Variants in SCFD2 observed in about 807,000 individuals in gnomAD.
SCFD2 encodes sec1 family domain-containing protein 2.
Under a neutral mutation model 58.9 loss-of-function variants are expected in SCFD2, and 54 were observed. The observed-to-expected ratio is 0.92, with a 90% CI of 0.74 to 1.15. The LOEUF (loss-of-function observed/expected upper bound fraction) is 1.15, where lower values mean the gene tolerates loss of function less well. Among genes scored for constraint, SCFD2 ranks in the 50% most tolerant of loss-of-function variants. The pLI, the probability that SCFD2 is intolerant of heterozygous loss-of-function variation, is 0.00. For missense variants in SCFD2, 805 were observed against 836.6 expected (o/e 0.96, Z 0.47); for synonymous variants, 321 against 335.9 (o/e 0.96, Z 0.49).
intron 1 of SCFD2, among the ~76,000 whole-genome samples, chr4:53,364,840 AGTT>A (rs1251939234): frequency 3.9e-5 from 6 of 152,228 alleles, no homozygotes; most frequent in Non-Finnish European, 8.8e-5. Flanking sequence ...CTTGGGCTAA[AGTT>A]GTTGTTTAAC....
chr4:53,043,681 A>G (rs1218503586), intron 5 of SCFD2, among the ~76,000 whole-genome samples: 1 of 152,194 alleles, frequency 6.6e-6, no homozygotes, highest in Non-Finnish European at 1.5e-5. Context: ...CTTTTTATGT[A>G]CTACAAGAAA....
chr4:53,067,189 C>T (rs1723685722), intron 5 of SCFD2, among the ~76,000 whole-genome samples: 1 of 151,996 alleles, frequency 6.6e-6, no homozygotes, highest in Non-Finnish European at 1.5e-5. Context: ...CCTGTAGCCT[C>T]CTGCTATAGG....
intron 2 of SCFD2, among the ~76,000 whole-genome samples, chr4:53,335,433 G>A (rs1469966044): frequency 1.3e-5 from 2 of 152,112 alleles, no homozygotes; most frequent in Non-Finnish European, 2.9e-5. Context: ...TGCAGCGTGT[G>A]CTTCTGACTG....
intron 4 of SCFD2, among the ~76,000 whole-genome samples, chr4:53,239,310 G>A (rs1254084984): frequency 6.6e-6 from 1 of 152,124 alleles, no homozygotes; most frequent in African/African-American, 2.4e-5. Context: ...GTACAGTCCA[G>A]CTTTGGCTCA....
At chr4:53,243,005 C>A (rs1453104572) in intron 4 of SCFD2, among the ~76,000 whole-genome samples, 1 of 152,134 alleles carries the variant, frequency 6.6e-6, no homozygotes, top group Non-Finnish European at 1.5e-5. Flanking sequence ...AAATCTATGA[C>A]TCATTAGTGT....
At chr4:52,962,182 C>G (rs1352480665) in intron 5 of SCFD2, among the ~76,000 whole-genome samples, 1 of 152,182 alleles carries the variant, frequency 6.6e-6, no homozygotes, top group Admixed American at 6.5e-5. Flanking sequence ...ACAAGACAAG[C>G]TTTGAGGTCC....
chr4:53,145,499 G>A lies in SCFD2; in HGVS notation c.1395C>T (p.Asp465=). The part of the protein sequence containing the change: ...IKPVTQRTNE[D]YSPEELLILL... ...GGATCAGCAGTTCCTCAGGGCTGTA[G>A]TCCTCGTTGGTTCTCTGGGTTACAG... is the stretch of plus-strand genomic sequence containing the variant. The change falls in exon 5 of 9, where the codon GAC becomes GAT. Residue 465 remains aspartate (D), a synonymous_variant. Coordinates refer to ENST00000401642, the MANE Select transcript of SCFD2 (RefSeq NM_152540.4). 1 of 1,614,116 alleles carries A rather than the reference G, an allele frequency of 6.2e-7. No homozygotes were observed. Among genetic ancestry groups the A allele is most frequent in the Non-Finnish European group, 8.5e-7 (1 of 1,179,990 alleles).
chr4:53,119,265 C>T (rs777461818), intron 5 of SCFD2, among the ~76,000 whole-genome samples: 13 of 151,356 alleles, frequency 8.6e-5, no homozygotes, highest in African/African-American at 2.2e-4. Context: ...TTGCAGTGAG[C>T]GGAGATTGCA....
At chr4:53,090,210 G>A (rs556376583) in intron 5 of SCFD2, among the ~76,000 whole-genome samples, 6 of 152,246 alleles carry the variant, frequency 3.9e-5, no homozygotes, top group African/African-American at 1.4e-4. Context: ...TCAAAAAGAG[G>A]ATGACAAGTG....
chr4:52,898,707 T>C, intron 7 of SCFD2, among the ~76,000 whole-genome samples: 1 of 152,144 alleles, frequency 6.6e-6, no homozygotes, highest in East Asian at 1.9e-4. Context: ...CTGGATATCC[T>C]TGTGAATTTT....
intron 5 of SCFD2, among the ~76,000 whole-genome samples, chr4:53,039,618 G>C (rs1322338817): frequency 6.6e-6 from 1 of 152,174 alleles, no homozygotes; most frequent in Non-Finnish European, 1.5e-5. Context: ...TTTTGCAAGA[G>C]GATTGGCTGC....
At chr4:53,095,888 G>A (rs1333055776) in intron 5 of SCFD2, among the ~76,000 whole-genome samples, 1 of 151,454 alleles carries the variant, frequency 6.6e-6, no homozygotes, top group Non-Finnish European at 1.5e-5. Flanking sequence ...CCCCACAACA[G>A]GCCCCGGTGT....
Position 52,895,621 on chromosome 4 carries a change from G to A in SCFD2, c.1843-9755C>T, listed in dbSNP as rs377710927. Among the ~76,000 whole-genome samples, 222 of 152,212 alleles carry A rather than the reference G, an allele frequency of 1.5e-3. 1 individual carries two copies. The South Asian group carries it at 0.043, about 29-fold the overall frequency. ...AGTCTTTGCTATTGTGAATAGTGCC[G>A]CAATAAACACACGTGTGCATGTGTC... On this transcript the variant is annotated intron_variant, in intron 7 of 8. Transcript: ENST00000401642.
intron 6 of SCFD2, among the ~76,000 whole-genome samples, chr4:52,919,424 T>G (rs1719683661): frequency 6.6e-6 from 1 of 152,212 alleles, no homozygotes; most frequent in South Asian, 2.1e-4. Flanking sequence ...TTATCTGTAT[T>G]TTGTCGCCGT....
intron 3 of SCFD2, among the ~76,000 whole-genome samples, chr4:53,293,159 T>C (rs1444146587): frequency 1.3e-5 from 2 of 152,090 alleles, no homozygotes; most frequent in African/African-American, 2.4e-5. Flanking sequence ...TGCAGGGACA[T>C]GGATGGAGCT....
At chr4:53,172,314 T>G (rs1052153403) in intron 4 of SCFD2, among the ~76,000 whole-genome samples, 2 of 152,136 alleles carry the variant, frequency 1.3e-5, no homozygotes, top group Admixed American at 6.6e-5. Context: ...TGTCATTGAT[T>G]TTATTGCTTG....
intron 3 of SCFD2, among the ~76,000 whole-genome samples, chr4:53,275,982 T>C (rs1333156954): frequency 6.6e-6 from 1 of 152,110 alleles, no homozygotes; most frequent in Admixed American, 6.6e-5. Flanking sequence ...TTAGAAATTA[T>C]GAATAAAGCC....
intron 4 of SCFD2, among the ~76,000 whole-genome samples, chr4:53,224,189 G>A (rs796675094): frequency 2.6e-5 from 4 of 152,172 alleles, no homozygotes; most frequent in African/African-American, 9.6e-5. Context: ...AGGAGCTCGA[G>A]ACCAGCCTAA....
intron 5 of SCFD2, chr4:52,948,174 G>A (rs1224984879): frequency 5.1e-6 from 1 of 197,806 alleles, no homozygotes; most frequent in East Asian, 1.3e-4. Context: ...TAAAATAGAG[G>A]GATTAAACGA....
Sources: allele counts gnomAD v4.1 joint callset (sites outside exome capture counted in the v4.1 genomes callset), GRCh38; gene constraint gnomAD v4.1.1; transcripts MANE v1.5; gene names NCBI Gene and HGNC (gene_info 2026-07-23, HGNC 2026-07-21).